MAP3K4: variants seen among roughly 807,000 people sequenced by gnomAD.
The protein encoded by MAP3K4 is MAP three kinase 1.
MAP3K4 carries 67 observed loss-of-function variants against 185.6 expected under a neutral mutation model. The ratio of observed to expected loss-of-function variants is 0.36; its 90% confidence interval spans 0.30 to 0.44. The LOEUF (loss-of-function observed/expected upper bound fraction) is 0.44, where lower values mean the gene tolerates loss of function less well. Among genes scored for constraint, MAP3K4 ranks in the 20% least tolerant of loss-of-function variants. The probability of loss-of-function intolerance (pLI) is 1.00; values close to 1 mark genes in which losing one functional copy is unlikely to be tolerated. For synonymous variants in MAP3K4, 702 were observed against 710.4 expected, an observed-to-expected ratio of 0.99 and a Z score of 0.19; for missense variants, 1,551 against 1,995.1, an observed-to-expected ratio of 0.78 and a Z score of 4.24.
At chr6:161,085,236 A>G (rs1487455179) in intron 7 of MAP3K4, among the ~76,000 whole-genome samples, 3 of 152,244 alleles carry the variant, frequency 2.0e-5, no homozygotes, top group South Asian at 2.1e-4. Flanking sequence ...GATGCCTTTT[A>G]TATTAGTTTC....
rs981983541 is a variant in MAP3K4 at position 161,015,020 on chromosome 6, T to G, written c.153-19239T>G. Among the ~76,000 whole-genome samples, 6 of 152,276 alleles carry G rather than the reference T, an allele frequency of 3.9e-5. No homozygotes were observed. The East Asian group carries it at 1.2e-3, about 29-fold the overall frequency. On this transcript the variant is annotated intron_variant, in intron 1 of 26. Transcript: ENST00000392142. The stretch of plus-strand genomic sequence containing the variant: ...TAAATTGGATCATATAATATGTGGG[T>G]TTTTTTGTGACTGGCTTCTTTCACT...
At chr6:161,099,257 C>T (rs1014812634) in intron 17 of MAP3K4, among the ~76,000 whole-genome samples, 8 of 152,046 alleles carry the variant, frequency 5.3e-5, no homozygotes, top group Admixed American at 1.3e-4. Context: ...TGTTCAGCCC[C>T]GAGGAGAAAA....
At position 161,071,959 on chromosome 6, in the gene MAP3K4, A is replaced by C. The variant is rs73784739; in HGVS notation, c.1950+1109A>C. ...GCAAGGTGGAGTTTATCTTTTGTTG[A>C]TGGGGCTATTGTGAGGACTAAATAG... On this transcript the variant is annotated intron_variant, in intron 4 of 26. Transcript: ENST00000392142. The surrounding 1 kb of genome is among the most constrained non-coding windows in gnomAD (Gnocchi z 4.6). Among the ~76,000 whole-genome samples the C allele has an allele frequency of 7.5e-3, 1,140 of 152,294 alleles. 14 individuals carry two copies. The highest frequency in any genetic ancestry group is 0.065 in the Middle Eastern group (19 of 294).
In MAP3K4 at chr6:161,108,160, A is replaced by G. The variant is rs908267720; in HGVS notation, c.4119+191A>G. On this transcript the variant is annotated intron_variant, in intron 21 of 26. Transcript: ENST00000392142. The surrounding 1 kb of genome is among the most constrained non-coding windows in gnomAD (Gnocchi z 5.7). ...AGACAGTGAAGGGGCTTACGATTCC[A>G]GAGAGGATAATAAGTCACAGACAGT... Among the ~76,000 whole-genome samples the G allele has an allele frequency of 2.0e-5, 3 of 152,362 alleles. No individual in the cohort carries two copies. The highest frequency in any genetic ancestry group is 4.4e-5 in the Non-Finnish European group (3 of 68,032).
chr6:161,055,198 T>A (rs1008544183), intron 3 of MAP3K4, among the ~76,000 whole-genome samples: 1 of 152,224 alleles, frequency 6.6e-6, no homozygotes, highest in African/African-American at 2.4e-5. Context: ...TTCCCAACCC[T>A]GCTTAAAAGT....
rs551032975 is a variant in MAP3K4 at position 161,108,498 on chromosome 6, A to C, written c.4120-245A>C. Among the ~76,000 whole-genome samples, 13 of 152,044 alleles carry C rather than the reference A, an allele frequency of 8.6e-5. 1 individual carries two copies. Among genetic ancestry groups the C allele is most frequent in the Non-Finnish European group, 1.5e-5 (1 of 68,004 alleles). ...GCCGTGGAGCCGCGTCCTCCTCCACATGGCGCTCCTCACTCCCTCTCGGAG... is the reference window on the plus strand; with the variant it reads ...GCCGTGGAGCCGCGTCCTCCTCCACCTGGCGCTCCTCACTCCCTCTCGGAG... On this transcript the variant is annotated intron_variant, in intron 21 of 26. Transcript: ENST00000392142. The surrounding 1 kb of genome is among the most constrained non-coding windows in gnomAD (Gnocchi z 5.7).
chr6:161,104,520 T>C (rs1309193140), intron 19 of MAP3K4, among the ~76,000 whole-genome samples: 1 of 151,834 alleles, frequency 6.6e-6, no homozygotes, highest in Non-Finnish European at 1.5e-5. Flanking sequence ...GAAACCATCC[T>C]GGCCAATGTG....
intron 1 of MAP3K4, among the ~76,000 whole-genome samples, chr6:161,031,218 T>C (rs1157562606): frequency 6.6e-6 from 1 of 152,190 alleles, no homozygotes; most frequent in African/African-American, 2.4e-5. Flanking sequence ...TAAATGCAGA[T>C]CGGAAAACAA....
chr6:161,100,476 A>T lies in MAP3K4; in HGVS notation c.3675-1416A>T, dbSNP rs1777789817. ...TAAGTTATCTTATCATCGTTTGTAA[A>T]AACACTTTGCAGTGGTGCTCTTGCT... On this transcript the variant is annotated intron_variant, in intron 17 of 26. Coordinates refer to ENST00000392142, the MANE Select transcript of MAP3K4 (RefSeq NM_005922.4). This position sits in a 1 kb window ranked among gnomAD's most constrained non-coding sequence, Gnocchi z 5.8. Among the ~76,000 whole-genome samples the T allele has an allele frequency of 6.6e-6, 1 of 152,172 alleles. No individual in the cohort carries two copies. Among genetic ancestry groups the T allele is most frequent in the South Asian group, 2.1e-4 (1 of 4,824 alleles).
rs1354480387 is a variant in MAP3K4, at chr6:161,096,936, ATAT to A, written c.3428-139_3428-137del. ...ATTTTCCATAATATTTGTATATGTA[ATAT>A]TATTTTTTACTTATATAAATGGACT... On this transcript the variant is annotated intron_variant, in intron 15 of 26. Coordinates refer to ENST00000392142, the MANE Select transcript of MAP3K4 (RefSeq NM_005922.4). This position sits in a 1 kb window ranked among gnomAD's most constrained non-coding sequence, Gnocchi z 4.9. 5.2e-6 allele frequency: 3 copies of A among 573,950 alleles called. No homozygotes were observed. Among genetic ancestry groups the A allele is most frequent in the Non-Finnish European group, 9.5e-6 (3 of 317,236 alleles). 35.6% of individuals were successfully genotyped at this position (573,950 alleles called of 1,614,324 possible).
At position 161,000,730 on chromosome 6, in the gene MAP3K4, T is replaced by C. The variant is rs73022084; in HGVS notation, c.152+8647T>C. ...TGTGTACACCATATATACACACACA[T>C]ACACACACATATATGTGTACACCCA... On this transcript the variant is annotated intron_variant, in intron 1 of 26. Coordinates refer to ENST00000392142, the MANE Select transcript of MAP3K4 (RefSeq NM_005922.4). 7.8e-3 allele frequency among the ~76,000 whole-genome samples: 1,181 copies of C among 151,438 alleles called. 7 individuals carry two copies. The highest frequency in any genetic ancestry group is 0.011 in the Non-Finnish European group (722 of 67,864).
chr6:161,052,764 T>C (rs146764975), intron 3 of MAP3K4, among the ~76,000 whole-genome samples: 61 of 152,226 alleles, frequency 4.0e-4, no homozygotes, highest in Non-Finnish European at 7.4e-4. Context: ...TGTGTGTGAA[T>C]ATGTGTACAG....
At chr6:161,002,589 C>T (rs376868771) in intron 1 of MAP3K4, among the ~76,000 whole-genome samples, 68 of 106,444 alleles carry the variant, frequency 6.4e-4, no homozygotes, top group African/African-American at 8.4e-4. Flanking sequence ...ATAGTTTTGG[C>T]TTTTTTTTTT....
chr6:161,006,030 C>T (rs34887229), intron 1 of MAP3K4, among the ~76,000 whole-genome samples: 16 of 152,342 alleles, frequency 1.1e-4, no homozygotes, highest in Non-Finnish European at 2.1e-4. Flanking sequence ...TCATGATCCC[C>T]CCACCTTGGC....
chr6:160,999,953 TAAA>T (rs1312561229), intron 1 of MAP3K4, among the ~76,000 whole-genome samples: 1 of 152,156 alleles, frequency 6.6e-6, no homozygotes, highest in Non-Finnish European at 1.5e-5. Context: ...GCTCGCAGAA[TAAA>T]GAAGAGCCAA....
At chr6:161,002,738 C>A (rs572518124) in intron 1 of MAP3K4, among the ~76,000 whole-genome samples, 243 of 151,818 alleles carry the variant, frequency 1.6e-3, no homozygotes, top group Non-Finnish European at 2.7e-3. Flanking sequence ...ACTACAGGCG[C>A]CTGCCACCAT....
chr6:161,036,594 G>A (rs1783174671), intron 2 of MAP3K4, among the ~76,000 whole-genome samples: 1 of 151,998 alleles, frequency 6.6e-6, no homozygotes, highest in Non-Finnish European at 1.5e-5. Context: ...TCACAGAATA[G>A]CCTGTACTTT....
rs1424835309 is a variant in MAP3K4 at position 161,064,615 on chromosome 6, T to C, written c.1708-5993T>C. 1.3e-5 allele frequency among the ~76,000 whole-genome samples: 2 copies of C among 152,222 alleles called. No individual in the cohort carries two copies. Among genetic ancestry groups the C allele is most frequent in the African/African-American group, 4.8e-5 (2 of 41,446 alleles). ...CCCATTGTTTCTTTTCAGAAGTTTCTGTGCTGTTTTTATTTTTGCACATTA... is the reference window on the plus strand; with the variant it reads ...CCCATTGTTTCTTTTCAGAAGTTTCCGTGCTGTTTTTATTTTTGCACATTA... On this transcript the variant is annotated intron_variant, in intron 3 of 26. Transcript: ENST00000392142. The surrounding 1 kb of genome is among the most constrained non-coding windows in gnomAD (Gnocchi z 4.3).
At chr6:161,089,163 T>C (rs550438169) in intron 10 of MAP3K4, among the ~76,000 whole-genome samples, 159 bp from the exon 11 acceptor site, 82 of 152,344 alleles carry the variant, frequency 5.4e-4, no homozygotes, top group African/African-American at 1.9e-3. Flanking sequence ...TGAAGCGTGT[T>C]GCTGTGTAGG....
Sources: gnomAD v4.1 joint callset for allele counts (sites outside exome capture counted in the v4.1 genomes callset) on GRCh38, gnomAD v4.1.1 for gene constraint, Gnocchi (gnomAD v3.1) non-coding constraint, MANE v1.5 for transcripts, NCBI Gene and HGNC (gene_info 2026-07-23, HGNC 2026-07-21) for gene names.